C14orf39: variants seen among roughly 807,000 people sequenced by gnomAD.
C14orf39 encodes protein SIX6OS1.
Under a neutral mutation model 85.6 loss-of-function variants are expected in C14orf39, and 66 were observed. That is an observed-to-expected ratio of 0.77 (90% CI 0.63 to 0.95). The LOEUF is 0.95. C14orf39 is among the 40% of genes least tolerant of loss of function. The pLI is 0.00. For missense variants in C14orf39, 735 were observed against 663.9 expected, an observed-to-expected ratio of 1.11 and a Z score of -1.18; for synonymous variants, 242 against 214.0, an observed-to-expected ratio of 1.13 and a Z score of -1.14.
chr14:60,511,133 G>C, intron 1 of C14orf39: 3 of 1,612,874 alleles, frequency 1.9e-6, no homozygotes, highest in South Asian at 1.1e-5. Flanking sequence ...ACTACGGGCG[G>C]AGGGCGACGG....
intron 1 of C14orf39, chr14:60,510,078 G>A: frequency 4.0e-6 from 4 of 1,008,898 alleles, no homozygotes; most frequent in Non-Finnish European, 6.1e-6. Context: ...AGCAGGAGTT[G>A]GGAGCGCGGT....
intron 1 of C14orf39, among the ~76,000 whole-genome samples, chr14:60,501,182 C>T (rs1893141195): frequency 1.3e-5 from 2 of 151,784 alleles, no homozygotes; most frequent in African/African-American, 4.8e-5. Flanking sequence ...TGCCATGTAT[C>T]TGTAGTCCTA....
At chr14:60,457,371 G>A (rs1891327403) in intron 14 of C14orf39, among the ~76,000 whole-genome samples, 1 of 151,134 alleles carries the variant, frequency 6.6e-6, no homozygotes, top group Non-Finnish European at 1.5e-5. Flanking sequence ...TGGAATTGAT[G>A]AAAAAAAAGA....
At chr14:60,492,276 TGTTAAACCATTAG>T (rs1372061794) in intron 2 of C14orf39, among the ~76,000 whole-genome samples, 5 of 152,358 alleles carry the variant, frequency 3.3e-5, no homozygotes, top group African/African-American at 9.6e-5. Context: ...TCTCCTTCCT[TGTTAAACCATTAG>T]AGCATTGTTT....
chr14:60,482,879 GGTGTGTGTGTGTGTGTGT>G (rs60206941), intron 4 of C14orf39, among the ~76,000 whole-genome samples: 1 of 146,644 alleles, frequency 6.8e-6, no homozygotes, highest in Non-Finnish European at 1.5e-5. Flanking sequence ...TATATAGACA[GGTGTGTGTGTGTGTGTGT>G]GTGTGTGTGT....
chr14:60,514,707 C>T (rs990879762), intron 1 of C14orf39, among the ~76,000 whole-genome samples: 2 of 152,220 alleles, frequency 1.3e-5, no homozygotes, highest in Non-Finnish European at 2.9e-5. Flanking sequence ...CAAAGTCTTC[C>T]TTGACCTCGT....
chr14:60,452,107 A>C (rs1464046464), intron 16 of C14orf39, among the ~76,000 whole-genome samples: 2 of 151,252 alleles, frequency 1.3e-5, no homozygotes, highest in African/African-American at 4.9e-5. Context: ...GAATCACTTG[A>C]ACCTGGGAGG....
At chr14:60,494,529 G>T (rs1893038705) in intron 2 of C14orf39, 2 of 152,334 alleles carry the variant, frequency 1.3e-5, no homozygotes, top group African/African-American at 4.8e-5. Flanking sequence ...TCTGACATAG[G>T]TTGGCTGTGC....
intron 13 of C14orf39, among the ~76,000 whole-genome samples, chr14:60,460,229 G>A (rs1891456691): frequency 6.6e-6 from 1 of 151,752 alleles, no homozygotes; most frequent in Non-Finnish European, 1.5e-5. Context: ...CAGCACGTAG[G>A]GCTATGTGAG....
At chr14:60,458,614 A>G in intron 14 of C14orf39, 64 bp downstream of exon 14, 2 of 1,171,232 alleles carry the variant, frequency 1.7e-6, no homozygotes, top group Non-Finnish European at 2.5e-6. Context: ...CTGAAATTTA[A>G]ATAGACATAA....
intron 17 of C14orf39, among the ~76,000 whole-genome samples, chr14:60,438,433 G>A (rs1181298522): frequency 6.6e-6 from 1 of 152,134 alleles, no homozygotes; most frequent in Non-Finnish European, 1.5e-5. Context: ...ATTTCCCTTT[G>A]AATAAATGAA....
chr14:60,500,199 G>A (rs943561185), intron 1 of C14orf39, among the ~76,000 whole-genome samples: 2 of 151,992 alleles, frequency 1.3e-5, no homozygotes, highest in Admixed American at 6.5e-5. Context: ...GGATAATTTT[G>A]TATTTTTAGT....
At chr14:60,513,903 C>G (rs1893327899) in intron 1 of C14orf39, among the ~76,000 whole-genome samples, 1 of 152,228 alleles carries the variant, frequency 6.6e-6, no homozygotes, top group Admixed American at 6.5e-5. Context: ...TAAACTACAG[C>G]TACCATTTAC....
chr14:60,492,716 G>C (rs535095813), intron 2 of C14orf39, among the ~76,000 whole-genome samples: 30 of 152,258 alleles, frequency 2.0e-4, no homozygotes, highest in Admixed American at 7.8e-4. Context: ...CTGGGAGGCG[G>C]AAGTTGCAGT....
At chr14:60,499,641 A>C (rs1442009672) in intron 1 of C14orf39, among the ~76,000 whole-genome samples, 1 of 152,272 alleles carries the variant, frequency 6.6e-6, no homozygotes, top group Non-Finnish European at 1.5e-5. Context: ...GGCAATACTA[A>C]GTATGGCCCC....
intron 2 of C14orf39, among the ~76,000 whole-genome samples, chr14:60,493,508 T>A (rs943606239): frequency 1.3e-5 from 2 of 152,200 alleles, no homozygotes; most frequent in Non-Finnish European, 2.9e-5. Flanking sequence ...TTGGAAACAG[T>A]CACTCTAGGG....
At chr14:60,477,541 TA>T (rs1260452726) in intron 5 of C14orf39, among the ~76,000 whole-genome samples, 1 of 151,960 alleles carries the variant, frequency 6.6e-6, no homozygotes, top group Non-Finnish European at 1.5e-5. Context: ...ATACATATAA[TA>T]AAATAAATTC....
At chr14:60,472,827 C>CA (rs1336610342) in intron 5 of C14orf39, among the ~76,000 whole-genome samples, 1 of 152,100 alleles carries the variant, frequency 6.6e-6, no homozygotes, top group Non-Finnish European at 1.5e-5. Context: ...GGCTTGGTTC[C>CA]AAGTCTTTGC....
chr14:60,505,789 C>T (rs1028807083), intron 1 of C14orf39, among the ~76,000 whole-genome samples: 3 of 152,140 alleles, frequency 2.0e-5, no homozygotes, highest in Non-Finnish European at 4.4e-5. Flanking sequence ...GATTGGAACC[C>T]AGAGGTAGGA....
Sources: gnomAD v4.1 joint callset for allele counts (sites outside exome capture counted in the v4.1 genomes callset) on GRCh38, gnomAD v4.1.1 for gene constraint, MANE v1.5 for transcripts, NCBI Gene and HGNC (gene_info 2026-07-23, HGNC 2026-07-21) for gene names.